TUSC3: variants seen among roughly 807,000 people sequenced by gnomAD.
The protein encoded by TUSC3 is dolichyl-diphosphooligosaccharide--protein glycosyltransferase subunit TUSC3.
Under a neutral mutation model 44.8 loss-of-function variants are expected in TUSC3, and 45 were observed. That is an observed-to-expected ratio of 1.00 (90% CI 0.79 to 1.29). TUSC3 has a LOEUF of 1.29. Among genes scored for constraint, TUSC3 ranks in the 50% most tolerant of loss-of-function variants. The pLI is 0.00. For missense variants in TUSC3, 519 were observed against 437.9 expected, an observed-to-expected ratio of 1.19 and a Z score of -1.65; for synonymous variants, 212 against 152.9, an observed-to-expected ratio of 1.39 and a Z score of -2.85.
Position 15,646,339 on chromosome 8 carries a change from G to A in TUSC3, c.309-4358G>A, listed in dbSNP as rs147093543. 1.2e-4 allele frequency among the ~76,000 whole-genome samples: 18 copies of A among 152,190 alleles called. No individual in the cohort carries two copies. In the East Asian group the frequency reaches 2.5e-3, roughly 21 times the overall value. Reference sequence around the variant, plus strand: ...ATGTAAGTTGTGGCCAAGTTATGGAGGTTTTTGACTTTTATTCTTCCCATT... The same window carrying A: ...ATGTAAGTTGTGGCCAAGTTATGGAAGTTTTTGACTTTTATTCTTCCCATT... On this transcript the variant is annotated intron_variant, in intron 2 of 10. Transcript: ENST00000503731.
At chr8:15,826,781 G>C in the TUSC3 span, among the ~76,000 whole-genome samples, 11 of 152,264 alleles carry the variant, frequency 7.2e-5, no homozygotes, top group East Asian at 1.5e-3. Flanking sequence ...GAACTCTTCA[G>C]ATATCCTCTG....
At chr8:15,513,092 G>A (rs529583965) in intron 2 of TUSC3, among the ~76,000 whole-genome samples, 22 of 150,708 alleles carry the variant, frequency 1.5e-4, no homozygotes, top group African/African-American at 4.4e-4. Flanking sequence ...ATTATTACTC[G>A]AAAAATTAAT....
intron 6 of TUSC3, among the ~76,000 whole-genome samples, chr8:15,693,003 C>A (rs1403725782): frequency 1.3e-5 from 2 of 152,170 alleles, no homozygotes; most frequent in African/African-American, 4.8e-5. Context: ...TTTCCATTTG[C>A]TTGGTAGATT....
chr8:15,749,171 T>A (rs997816384), intron 9 of TUSC3, among the ~76,000 whole-genome samples: 14 of 152,132 alleles, frequency 9.2e-5, no homozygotes, highest in Admixed American at 3.9e-4. Flanking sequence ...TTAGGTTAGC[T>A]CATTTCTAAT....
intron 2 of TUSC3, among the ~76,000 whole-genome samples, chr8:15,503,365 C>A (rs1052871272): frequency 6.6e-6 from 1 of 152,042 alleles, no homozygotes; most frequent in Non-Finnish European, 1.5e-5. Flanking sequence ...TTTGAGCCAC[C>A]CCGTCTGTGG....
intron 2 of TUSC3, among the ~76,000 whole-genome samples, chr8:15,515,442 C>G (rs1481973005): frequency 6.6e-6 from 1 of 152,032 alleles, no homozygotes; most frequent in African/African-American, 2.4e-5. Context: ...CATTTTTCTC[C>G]TTTATTTATA....
chr8:15,421,403 A>G (rs1003548766), intron 1 of TUSC3, among the ~76,000 whole-genome samples: 5 of 152,160 alleles, frequency 3.3e-5, no homozygotes, highest in Admixed American at 2.6e-4. Flanking sequence ...TCTTGCTGCA[A>G]CACTCCTTCA....
intron 1 of TUSC3, among the ~76,000 whole-genome samples, chr8:15,572,783 G>A (rs916243828): frequency 2.0e-5 from 3 of 152,170 alleles, no homozygotes; most frequent in Non-Finnish European, 4.4e-5. Context: ...CGTGTGAGAA[G>A]AGTGGAGGTG....
chr8:15,674,412 A>G (rs1173050462), intron 6 of TUSC3, among the ~76,000 whole-genome samples: 1 of 152,054 alleles, frequency 6.6e-6, no homozygotes, highest in East Asian at 1.9e-4. Context: ...ATAAATCAAC[A>G]TAGAAACATA....
the TUSC3 span, among the ~76,000 whole-genome samples, chr8:15,850,324 C>T: frequency 6.6e-6 from 1 of 152,206 alleles, no homozygotes; most frequent in African/African-American, 2.4e-5. Flanking sequence ...TATTTGTTCT[C>T]AGTAAATCTT....
intron 6 of TUSC3, among the ~76,000 whole-genome samples, chr8:15,729,539 A>G (rs951493294): frequency 1.3e-5 from 2 of 152,182 alleles, no homozygotes; most frequent in South Asian, 2.1e-4. Flanking sequence ...ACAGCCATAG[A>G]AAATGAAATG....
chr8:15,684,157 G>A (rs1808529466), intron 6 of TUSC3, among the ~76,000 whole-genome samples: 1 of 152,058 alleles, frequency 6.6e-6, no homozygotes, highest in African/African-American at 2.4e-5. Flanking sequence ...AGATTTGGTG[G>A]TAACCCATTC....
chr8:15,516,606 C>T (rs1196323602), intron 2 of TUSC3, among the ~76,000 whole-genome samples: 1 of 152,144 alleles, frequency 6.6e-6, no homozygotes, highest in Admixed American at 6.5e-5. Flanking sequence ...CCTCGAAATG[C>T]TTGTTTTGCC....
the TUSC3 span, among the ~76,000 whole-genome samples, chr8:15,839,311 C>A: frequency 1.3e-5 from 2 of 152,086 alleles, no homozygotes; most frequent in African/African-American, 4.8e-5. Context: ...CAAACAGGGA[C>A]AATTTGACTT....
intron 1 of TUSC3, among the ~76,000 whole-genome samples, chr8:15,550,421 A>G (rs955279413): frequency 2.0e-5 from 3 of 151,712 alleles, no homozygotes; most frequent in Middle Eastern, 3.2e-3. Context: ...AAAATATTGC[A>G]TTATAGAATG....
chr8:15,724,652 T>G (rs1810430419), intron 6 of TUSC3, among the ~76,000 whole-genome samples: 1 of 152,314 alleles, frequency 6.6e-6, no homozygotes, highest in Non-Finnish European at 1.5e-5. Context: ...GATTATCACT[T>G]AAAAGATTTT....
intron 1 of TUSC3, among the ~76,000 whole-genome samples, chr8:15,553,048 G>C (rs1489164877): frequency 2.0e-5 from 3 of 151,640 alleles, no homozygotes; most frequent in Admixed American, 1.3e-4. Context: ...TACATTTCTT[G>C]ATAAAAGGGA....
intron 5 of TUSC3, among the ~76,000 whole-genome samples, chr8:15,664,306 T>C (rs965943220): frequency 5.3e-5 from 8 of 151,740 alleles, no homozygotes; most frequent in African/African-American, 1.9e-4. Context: ...TATATGTTGG[T>C]GATTCAACCC....
intron 1 of TUSC3, among the ~76,000 whole-genome samples, chr8:15,546,795 C>G (rs1354833565): frequency 6.6e-6 from 1 of 151,650 alleles, no homozygotes; most frequent in Non-Finnish European, 1.5e-5. Flanking sequence ...TCGGCCTCCC[C>G]AAAGTGCTGG....
Sources: allele counts gnomAD v4.1 joint callset (sites outside exome capture counted in the v4.1 genomes callset), GRCh38; gene constraint gnomAD v4.1.1; transcripts MANE v1.5; gene names NCBI Gene and HGNC (gene_info 2026-07-23, HGNC 2026-07-21).